Variants in RNGTT observed in about 807,000 individuals in gnomAD.
RNGTT encodes mRNA-capping enzyme.
RNGTT carries 33 observed loss-of-function variants against 79.3 expected under a neutral mutation model. The ratio of observed to expected loss-of-function variants is 0.42; its 90% CI spans 0.32 to 0.56. The LOEUF is 0.56. Among genes scored for constraint, RNGTT ranks in the 20% least tolerant of loss-of-function variants. RNGTT has a pLI of 0.17. For synonymous variants in RNGTT, 222 were observed against 235.9 expected (o/e 0.94, Z 0.54); for missense variants, 497 against 739.1 (o/e 0.67, Z 3.80).
intron 12 of RNGTT, among the ~76,000 whole-genome samples, chr6:88,780,545 G>C (rs138475285): frequency 2.6e-5 from 4 of 152,114 alleles, no homozygotes; most frequent in East Asian, 1.9e-4. Context: ...CATGTATCTA[G>C]GTTAAAATAA....
chr6:88,683,852 A>G (rs1033319527), intron 13 of RNGTT, among the ~76,000 whole-genome samples: 1 of 152,006 alleles, frequency 6.6e-6, no homozygotes, highest in Non-Finnish European at 1.5e-5. Flanking sequence ...TCGTCTCTAC[A>G]AAAAGTATAA....
chr6:88,925,233 C>A (rs1582137217), intron 4 of RNGTT, among the ~76,000 whole-genome samples: 2 of 152,106 alleles, frequency 1.3e-5, no homozygotes, highest in South Asian at 4.2e-4. Flanking sequence ...TACTTAACTT[C>A]TCTGAGACTC....
chr6:88,781,930 TC>T (rs1224930368), intron 12 of RNGTT, among the ~76,000 whole-genome samples: 1 of 151,988 alleles, frequency 6.6e-6, no homozygotes, highest in Non-Finnish European at 1.5e-5. Flanking sequence ...CTAACTGTTA[TC>T]CCTATTATCA....
chr6:88,646,390 T>C (rs1007379400), intron 14 of RNGTT, among the ~76,000 whole-genome samples: 8 of 152,244 alleles, frequency 5.3e-5, no homozygotes, highest in African/African-American at 1.9e-4. Flanking sequence ...TTTACACTGT[T>C]GGTGGGACTG....
chr6:88,644,198 C>T (rs1414513374), intron 14 of RNGTT, among the ~76,000 whole-genome samples: 1 of 152,184 alleles, frequency 6.6e-6, no homozygotes, highest in Non-Finnish European at 1.5e-5. Context: ...GAAATACAAA[C>T]TACCATCAGA....
At chr6:88,878,669 T>C (rs1782597004) in intron 8 of RNGTT, among the ~76,000 whole-genome samples, 2 of 152,204 alleles carry the variant, frequency 1.3e-5, no homozygotes, top group Admixed American at 6.5e-5. Context: ...AGATAAATTC[T>C]TATTTAATTC....
At chr6:88,629,918 C>T (rs1279229456) in intron 14 of RNGTT, among the ~76,000 whole-genome samples, 1 of 152,140 alleles carries the variant, frequency 6.6e-6, no homozygotes, top group African/African-American at 2.4e-5. Flanking sequence ...CTCACACTAG[C>T]ATGCCTCCTT....
intron 1 of RNGTT, among the ~76,000 whole-genome samples, chr6:88,949,173 A>T (rs956627928): frequency 6.9e-6 from 1 of 143,936 alleles, no homozygotes; most frequent in African/African-American, 2.6e-5. Context: ...AAAAAAAAAA[A>T]AAAAAGAAAA....
chr6:88,836,053 ATATATAAGATTTACATG>A, intron 11 of RNGTT, among the ~76,000 whole-genome samples: 1 of 147,984 alleles, frequency 6.8e-6, no homozygotes. Flanking sequence ...ATATATATAT[ATATATAAGATTTACATG>A]TATATATAAG....
intron 14 of RNGTT, among the ~76,000 whole-genome samples, chr6:88,616,537 C>T (rs1046161399): frequency 4.6e-5 from 7 of 151,740 alleles, no homozygotes; most frequent in South Asian, 4.2e-4. Context: ...AAAAAATTGA[C>T]GCCCATTGTT....
At chr6:88,808,000 A>T (rs1780016207) in intron 11 of RNGTT, among the ~76,000 whole-genome samples, 3 of 152,164 alleles carry the variant, frequency 2.0e-5, no homozygotes, top group Non-Finnish European at 4.4e-5. Flanking sequence ...TCTTTTTCAG[A>T]CAGACAATAG....
chr6:88,757,583 G>A (rs867248848), intron 13 of RNGTT, among the ~76,000 whole-genome samples: 2 of 152,064 alleles, frequency 1.3e-5, no homozygotes, highest in Non-Finnish European at 2.9e-5. Flanking sequence ...TCTTTAAATA[G>A]TAAAAATAAT....
Position 88,721,568 on chromosome 6 carries a change from T to C in RNGTT, c.1440-43149A>G, listed in dbSNP as rs1022256891. On this transcript the variant is annotated intron_variant, in intron 13 of 15. Transcript: ENST00000369485. Reference sequence around the variant, plus strand: ...TTAACTTGACTGTACACAAATCTGATTGCTTTCCTTACCTGCTCAAATCTT... The same window carrying C: ...TTAACTTGACTGTACACAAATCTGACTGCTTTCCTTACCTGCTCAAATCTT... Among the ~76,000 whole-genome samples, 9 of 152,104 alleles carry C rather than the reference T, an allele frequency of 5.9e-5. 1 individual carries two copies. Among genetic ancestry groups the C allele is most frequent in the African/African-American group, 1.9e-4 (8 of 41,446 alleles).
At chr6:88,801,072 C>A (rs764600169) in intron 12 of RNGTT, among the ~76,000 whole-genome samples, 2 of 152,160 alleles carry the variant, frequency 1.3e-5, no homozygotes, top group Non-Finnish European at 2.9e-5. Flanking sequence ...AAAAGTTCTT[C>A]AGTGCATTTC....
chr6:88,662,398 C>G (rs2610712), intron 14 of RNGTT, among the ~76,000 whole-genome samples: 40,349 of 152,154 alleles, frequency 0.27, 9,344 homozygotes, highest in African/African-American at 0.63. Context: ...GTCACGTAGC[C>G]CCCACTTGCA....
intron 8 of RNGTT, among the ~76,000 whole-genome samples, chr6:88,871,213 T>C (rs1219088750): frequency 1.3e-5 from 2 of 152,200 alleles, no homozygotes; most frequent in Non-Finnish European, 2.9e-5. Context: ...ATTATCATGG[T>C]ATTCTTATAA....
intron 13 of RNGTT, among the ~76,000 whole-genome samples, chr6:88,696,599 A>AGT (rs1687333960): frequency 8.9e-6 from 1 of 112,710 alleles, no homozygotes; most frequent in South Asian, 3.3e-4. Flanking sequence ...GAAATCCTGA[A>AGT]GTACACACAC....
intron 11 of RNGTT, among the ~76,000 whole-genome samples, chr6:88,808,031 C>T (rs1276664082): frequency 6.6e-6 from 1 of 151,932 alleles, no homozygotes; most frequent in African/African-American, 2.4e-5. Context: ...ATATTTCCAC[C>T]AAGCTAGAAT....
chr6:88,779,362 A>T (rs891198876), intron 12 of RNGTT, among the ~76,000 whole-genome samples: 48 of 152,204 alleles, frequency 3.2e-4, no homozygotes, highest in Non-Finnish European at 8.8e-5. Context: ...TATCAATCTA[A>T]GTTATTAAAT....
Sources: gnomAD v4.1 joint callset for allele counts (sites outside exome capture counted in the v4.1 genomes callset) on GRCh38, gnomAD v4.1.1 for gene constraint, MANE v1.5 for transcripts, NCBI Gene and HGNC (gene_info 2026-07-23, HGNC 2026-07-21) for gene names.